The following STAM2 variants were observed in gnomAD, a reference collection of about 807,000 sequenced individuals.
The protein encoded by STAM2 is signal transducing adapter molecule 2.
In STAM2, 51 loss-of-function variants were observed where a neutral mutation model predicts 65.6. The observed-to-expected ratio is 0.78, with a 90% CI of 0.62 to 0.98. STAM2 has a LOEUF of 0.98. Among genes scored for constraint, STAM2 ranks in the 50% least tolerant of loss-of-function variants. STAM2 has a pLI of 0.00. For synonymous variants in STAM2, 198 were observed against 208.4 expected (o/e 0.95, Z 0.43); for missense variants, 584 against 617.8 (o/e 0.95, Z 0.58).
intron 1 of STAM2, among the ~76,000 whole-genome samples, chr2:152,163,849 G>C (rs997621270): frequency 2.0e-5 from 3 of 152,156 alleles, no homozygotes; most frequent in African/African-American, 7.2e-5. Context: ...AGGCTTACTA[G>C]GATTGGGAAA....
At chr2:152,160,944 C>G (rs936738296) in intron 1 of STAM2, among the ~76,000 whole-genome samples, 4 of 151,932 alleles carry the variant, frequency 2.6e-5, no homozygotes, top group African/African-American at 9.7e-5. Flanking sequence ...CCAGCCGCCC[C>G]TACTGGGAAG....
intron 1 of STAM2, among the ~76,000 whole-genome samples, chr2:152,156,540 G>T (rs1402104884): frequency 6.6e-6 from 1 of 152,108 alleles, no homozygotes; most frequent in African/African-American, 2.4e-5. Flanking sequence ...TAAATCGCCG[G>T]CATTTGGTGG....
intron 1 of STAM2, among the ~76,000 whole-genome samples, chr2:152,165,881 C>A (rs1689772917): frequency 6.6e-6 from 1 of 152,154 alleles, no homozygotes; most frequent in Admixed American, 6.5e-5. Context: ...TGCCCAAAAT[C>A]AAGAGTTATC....
In STAM2 at chr2:152,122,366, A is replaced by C. The variant is rs542320080; in HGVS notation, c.1349+1400T>G. ...CTTAAGCCCGGGAGTTGGAGGCTGC[A>C]GTGAACTATGATCACACTACTGTAC... On this transcript the variant is annotated intron_variant, in intron 13 of 13. Coordinates refer to ENST00000263904, the MANE Select transcript of STAM2 (RefSeq NM_005843.6). Among the ~76,000 whole-genome samples the C allele has an allele frequency of 3.9e-5, 6 of 152,246 alleles. No individual in the cohort carries two copies. In the East Asian group the frequency reaches 1.2e-3, roughly 29 times the overall value.
intron 12 of STAM2, chr2:152,124,745 A>G (rs986599278): frequency 6.6e-6 from 1 of 152,186 alleles, no homozygotes; most frequent in Non-Finnish European, 1.5e-5. Flanking sequence ...AATGCCAAAT[A>G]AGCTATATTA....
At chr2:152,141,469 G>A (rs1051515014) in intron 7 of STAM2, among the ~76,000 whole-genome samples, 6 of 151,616 alleles carry the variant, frequency 4.0e-5, no homozygotes, top group African/African-American at 1.5e-4. Context: ...AGGGGGCGGG[G>A]GTTGCAGTGA....
intron 11 of STAM2, among the ~76,000 whole-genome samples, chr2:152,127,968 A>G (rs1688989679): frequency 6.6e-6 from 1 of 152,170 alleles, no homozygotes; most frequent in Admixed American, 6.5e-5. Context: ...AGACAGACAC[A>G]GGACTACCAA....
chr2:152,167,001 T>A (rs1055513112), intron 1 of STAM2, among the ~76,000 whole-genome samples: 1 of 152,210 alleles, frequency 6.6e-6, no homozygotes, highest in African/African-American at 2.4e-5. Flanking sequence ...TTTCACTGAA[T>A]AACAGATTTT....
chr2:152,138,424 T>G (rs1048296156), intron 7 of STAM2, among the ~76,000 whole-genome samples: 1 of 152,194 alleles, frequency 6.6e-6, no homozygotes, highest in African/African-American at 2.4e-5. Flanking sequence ...CTACTGAGTT[T>G]TGTATGTTGA....
chr2:152,168,253 C>T (rs1467274278), intron 1 of STAM2, among the ~76,000 whole-genome samples: 1 of 152,028 alleles, frequency 6.6e-6, no homozygotes, highest in Admixed American at 6.6e-5. Context: ...CTCTGCCTCC[C>T]GGGTTCAAGT....
rs1245638729 is a variant in STAM2, at chr2:152,133,479, C to T, written c.805G>A (p.Val269Met). The T allele has an allele frequency of 1.4e-5, 22 of 1,611,386 alleles. No individual in the cohort carries two copies. The highest frequency in any genetic ancestry group is 1.8e-5 in the Non-Finnish European group (21 of 1,178,730). Residue 269 changes from valine to methionine, a missense_variant, in exon 9 of 14, where the codon GTG becomes ATG. Transcript: ENST00000263904. ...TCATCAATTACATTCAATTTGTCCACAGCCGCTATAGAAACAAAGTAATTT... is the reference window on the plus strand; with the variant it reads ...TCATCAATTACATTCAATTTGTCCATAGCCGCTATAGAAACAAAGTAATTT... ...NLNIETEAAA[V>M]DKLNVIDDDV...
At chr2:152,157,052 C>T (rs558597946) in intron 1 of STAM2, among the ~76,000 whole-genome samples, 2 of 152,260 alleles carry the variant, frequency 1.3e-5, no homozygotes, top group South Asian at 4.1e-4. Context: ...ATGGCCTCAG[C>T]TTTCTGCCTT....
intron 7 of STAM2, among the ~76,000 whole-genome samples, chr2:152,140,717 C>T (rs766378707): frequency 3.3e-5 from 5 of 152,200 alleles, no homozygotes; most frequent in Non-Finnish European, 7.3e-5. Context: ...GCTTTTACCT[C>T]CTTCAGCAGG....
At chr2:152,149,390 A>G (rs1293413044) in intron 2 of STAM2, among the ~76,000 whole-genome samples, 2 of 152,178 alleles carry the variant, frequency 1.3e-5, no homozygotes. Context: ...AAGTAAAACA[A>G]CTGACCCTTT....
intron 7 of STAM2, among the ~76,000 whole-genome samples, chr2:152,142,076 T>C (rs1689259039): frequency 6.6e-6 from 1 of 152,222 alleles, no homozygotes; most frequent in South Asian, 2.1e-4. Flanking sequence ...AGTTTGCATT[T>C]GTCTACCAGC....
chr2:152,133,064 G>A (rs1022718927), intron 10 of STAM2, 109 bp downstream of exon 10: 16 of 404,390 alleles, frequency 4.0e-5, no homozygotes, highest in East Asian at 1.0e-4. Context: ...GTTCCCCACC[G>A]GAGATTTCTA....
rs1185681438 is a variant in STAM2, at chr2:152,119,300, A to C, written c.*1274T>G. On this transcript the variant is annotated 3_prime_UTR_variant, in exon 14 of 14. Coordinates refer to ENST00000263904, the MANE Select transcript of STAM2 (RefSeq NM_005843.6). ...TACCAAACTCTCACAGTTATATAGA[A>C]TCTATTAGCACTATAAACTAACTCA... The C allele has an allele frequency of 6.6e-6, 1 of 152,216 alleles. No individual in the cohort carries two copies. Among genetic ancestry groups the C allele is most frequent in the Non-Finnish European group, 1.5e-5 (1 of 68,012 alleles). The allele number at this position is 152,216 out of a possible 1,614,324, so 9.4% of individuals were successfully genotyped here. A position where few individuals can be genotyped will look rare whatever the true frequency, so the allele number is the denominator to read the frequency against.
intron 1 of STAM2, among the ~76,000 whole-genome samples, chr2:152,161,818 A>G (rs1579333360): frequency 6.8e-6 from 1 of 147,330 alleles, no homozygotes; most frequent in African/African-American, 2.5e-5. Flanking sequence ...TCTGCATACC[A>G]TTTTTTTTTC....
At chr2:152,133,139 A>C (rs756546237) in intron 10 of STAM2, 34 bp downstream of exon 10, 1 of 1,111,600 alleles carries the variant, frequency 9.0e-7, no homozygotes, top group Non-Finnish European at 1.2e-6. Flanking sequence ...AATATTAAAT[A>C]ATATTAAAAT....
Sources: gnomAD v4.1 joint callset for allele counts (sites outside exome capture counted in the v4.1 genomes callset) on GRCh38, gnomAD v4.1.1 for gene constraint, MANE v1.5 for transcripts, NCBI Gene and HGNC (gene_info 2026-07-23, HGNC 2026-07-21) for gene names.